The following VEPH1 variants were observed in gnomAD, a reference collection of about 807,000 sequenced individuals.
VEPH1 encodes the protein ventricular zone-expressed PH domain-containing protein homolog 1.
VEPH1 carries 80 observed loss-of-function variants against 85.2 expected under a neutral mutation model. That is an observed-to-expected ratio of 0.94 (90% CI 0.78 to 1.13). The LOEUF (loss-of-function observed/expected upper bound fraction) is 1.13. Among genes scored for constraint, VEPH1 ranks in the 50% most tolerant of loss-of-function variants. The pLI is 0.00. For synonymous variants in VEPH1, 297 were observed against 348.0 expected, an observed-to-expected ratio of 0.85 and a Z score of 1.63; for missense variants, 955 against 980.5, an observed-to-expected ratio of 0.97 and a Z score of 0.35.
At chr3:157,489,134 C>G (rs888395142) in intron 2 of VEPH1, 4 of 456,522 alleles carry the variant, frequency 8.8e-6, no homozygotes, top group African/African-American at 6.0e-5. Context: ...ACTGGCCTTT[C>G]TGATTTCACT....
intron 4 of VEPH1, chr3:157,437,888 G>A (rs1198056280): frequency 2.6e-6 from 4 of 1,520,214 alleles, no homozygotes; most frequent in Non-Finnish European, 3.5e-6. Context: ...GTGCAGGGCT[G>A]GGCTGCCCGG....
intron 9 of VEPH1, among the ~76,000 whole-genome samples, chr3:157,354,410 C>G (rs1725205398): frequency 6.6e-6 from 1 of 152,114 alleles, no homozygotes; most frequent in Non-Finnish European, 1.5e-5. Flanking sequence ...TGACAGCTTT[C>G]CTTTGAAATA....
At chr3:157,362,835 T>C (rs114997849) in intron 9 of VEPH1, among the ~76,000 whole-genome samples, 170 of 152,306 alleles carry the variant, frequency 1.1e-3, no homozygotes, top group Non-Finnish European at 1.8e-3. Flanking sequence ...CATAGTCTCA[T>C]CCTAAGTTGA....
In VEPH1 at chr3:157,369,180, G is replaced by GAAAAAAAAAAAAAAAAAAAA. The variant is rs58451868; in HGVS notation, c.1128-4688_1128-4669dup. 2.1e-3 allele frequency among the ~76,000 whole-genome samples: 89 copies of GAAAAAAAAAAAAAAAAAAAA among 42,782 alleles called. 16 individuals are homozygous for GAAAAAAAAAAAAAAAAAAAA. The highest frequency in any genetic ancestry group is 0.014 in the South Asian group (6 of 440). The allele number at this position is 42,782 out of a possible 152,430, so 28.1% of individuals were successfully genotyped here. A position where few individuals can be genotyped will look rare whatever the true frequency, so the allele number is the denominator to read the frequency against. ...ACAACAACAACAACAAAAACCAAAT[G>GAAAAAAAAAAAAAAAAAAAA]AAAAAAAAAAAAAAAAAAAAAAAAC... On this transcript the variant is annotated intron_variant, in intron 7 of 13. Coordinates refer to ENST00000362010, the MANE Select transcript of VEPH1 (RefSeq NM_001167912.2).
chr3:157,497,499 T>C (rs1040112049), intron 1 of VEPH1, among the ~76,000 whole-genome samples: 3 of 152,126 alleles, frequency 2.0e-5, no homozygotes, highest in African/African-American at 7.2e-5. Context: ...TCTTAACACA[T>C]TTTCCTCCCA....
chr3:157,403,654 G>A (rs896684904), intron 6 of VEPH1, among the ~76,000 whole-genome samples: 7 of 152,104 alleles, frequency 4.6e-5, no homozygotes, highest in Non-Finnish European at 7.4e-5. Flanking sequence ...TTCATAAACT[G>A]TATTGTAGGT....
intron 2 of VEPH1, among the ~76,000 whole-genome samples, chr3:157,486,762 C>T (rs556536752): frequency 1.3e-5 from 2 of 152,234 alleles, no homozygotes; most frequent in East Asian, 3.9e-4. Flanking sequence ...TTATAATTTA[C>T]ACAGATTAGC....
intron 2 of VEPH1, among the ~76,000 whole-genome samples, chr3:157,494,269 A>G (rs1739470258): frequency 6.6e-6 from 1 of 152,202 alleles, no homozygotes; most frequent in South Asian, 2.1e-4. Context: ...TGAAATATGC[A>G]CACATTTGCC....
chr3:157,459,994 G>C, intron 4 of VEPH1, 187 bp downstream of exon 4: 1 of 1,541,392 alleles, frequency 6.5e-7, no homozygotes, highest in Non-Finnish European at 8.7e-7. Flanking sequence ...CATCTGCCTT[G>C]GGAAGGGACA....
intron 4 of VEPH1, among the ~76,000 whole-genome samples, chr3:157,457,595 T>C (rs918632031): frequency 1.3e-5 from 2 of 152,182 alleles, no homozygotes; most frequent in African/African-American, 4.8e-5. Context: ...CATGAAGCGG[T>C]GTTGAATTTT....
intron 4 of VEPH1, among the ~76,000 whole-genome samples, chr3:157,440,955 T>C (rs1734073322): frequency 1.3e-5 from 2 of 152,112 alleles, no homozygotes; most frequent in Non-Finnish European, 1.5e-5. Flanking sequence ...ATTATAAGCA[T>C]GTGGACAAGG....
At chr3:157,416,775 TGAAG>T (rs1731943856) in intron 5 of VEPH1, among the ~76,000 whole-genome samples, 2 of 105,440 alleles carry the variant, frequency 1.9e-5, no homozygotes, top group Admixed American at 9.6e-5. Context: ...AAAGAAAAAA[TGAAG>T]GAAGGAAGAG....
At chr3:157,303,863 C>G (rs965701835) in intron 11 of VEPH1, among the ~76,000 whole-genome samples, 6 of 151,900 alleles carry the variant, frequency 3.9e-5, no homozygotes, top group Admixed American at 6.6e-5. Flanking sequence ...CCTCCGCCCC[C>G]ACTGGGGTTC....
intron 9 of VEPH1, among the ~76,000 whole-genome samples, chr3:157,328,119 C>T (rs563989327): frequency 4.6e-5 from 7 of 152,308 alleles, no homozygotes; most frequent in South Asian, 2.1e-4. Context: ...CCGGCCATCC[C>T]GATTTGCCTG....
At chr3:157,344,224 G>T (rs546214879) in intron 9 of VEPH1, among the ~76,000 whole-genome samples, 79 of 152,280 alleles carry the variant, frequency 5.2e-4, no homozygotes, top group African/African-American at 1.7e-3. Context: ...ATTAGGAAAA[G>T]AGGAAGTGAA....
chr3:157,422,648 G>A (rs1477180075), intron 5 of VEPH1, among the ~76,000 whole-genome samples: 1 of 152,134 alleles, frequency 6.6e-6, no homozygotes, highest in Non-Finnish European at 1.5e-5. Flanking sequence ...CTGCAGTTTT[G>A]CTCATCCTTT....
intron 3 of VEPH1, among the ~76,000 whole-genome samples, chr3:157,460,905 T>C (rs573288915): frequency 7.2e-5 from 11 of 151,866 alleles, no homozygotes; most frequent in African/African-American, 2.7e-4. Flanking sequence ...TTATGAAAGG[T>C]CCGGCATACA....
chr3:157,392,824 C>T (rs533567630), intron 6 of VEPH1, among the ~76,000 whole-genome samples: 21 of 152,250 alleles, frequency 1.4e-4, no homozygotes, highest in South Asian at 6.2e-4. Flanking sequence ...GCTAACAGTT[C>T]GGCGGCAGAT....
intron 12 of VEPH1, among the ~76,000 whole-genome samples, chr3:157,282,583 C>CT (rs1339420287): frequency 1.3e-5 from 2 of 152,206 alleles, no homozygotes; most frequent in Admixed American, 6.5e-5. Flanking sequence ...TGCCAAAACT[C>CT]TAAGTTGTTT....
Sources: gnomAD v4.1 joint callset for allele counts (sites outside exome capture counted in the v4.1 genomes callset) on GRCh38, gnomAD v4.1.1 for gene constraint, MANE v1.5 for transcripts, NCBI Gene and HGNC (gene_info 2026-07-23, HGNC 2026-07-21) for gene names.